The following TOR1AIP1 variants were observed in gnomAD, a reference collection of about 807,000 sequenced individuals.
The protein encoded by TOR1AIP1 is torsin-1A-interacting protein 1.
A neutral mutation model predicts 63.3 loss-of-function variants in TOR1AIP1; 54 were observed. The ratio of observed to expected loss-of-function variants is 0.85; its 90% CI spans 0.69 to 1.07. The LOEUF (loss-of-function observed/expected upper bound fraction) is 1.07. TOR1AIP1 is among the 50% of genes least tolerant of loss of function. The pLI, the probability that TOR1AIP1 is intolerant of heterozygous loss-of-function variation, is 0.00. For missense variants in TOR1AIP1, 736 were observed against 715.0 expected, an observed-to-expected ratio of 1.03 and a Z score of -0.33; for synonymous variants, 294 against 273.5, an observed-to-expected ratio of 1.07 and a Z score of -0.74.
At chr1:179,883,035 C>A in intron 1 of TOR1AIP1, 58 bp downstream of exon 1, 1 of 1,509,972 alleles carries the variant, frequency 6.6e-7, no homozygotes, top group Non-Finnish European at 9.0e-7. Context: ...CGGGGGCGGG[C>A]GCGCGCCTCG....
At chr1:179,916,394 G>T (rs1248520645) in intron 9 of TOR1AIP1, among the ~76,000 whole-genome samples, 5 of 152,128 alleles carry the variant, frequency 3.3e-5, no homozygotes, top group African/African-American at 1.2e-4. Flanking sequence ...GAGAATTGCT[G>T]CTCTAAAAGG....
At chr1:179,892,879 CA>C (rs1288200483) in intron 3 of TOR1AIP1, among the ~76,000 whole-genome samples, 2 of 151,614 alleles carry the variant, frequency 1.3e-5, no homozygotes, top group Non-Finnish European at 2.9e-5. Flanking sequence ...TATTTAAATT[CA>C]TTTTTTTGTG....
intron 3 of TOR1AIP1, among the ~76,000 whole-genome samples, chr1:179,890,478 T>C (rs549379095): frequency 9.2e-4 from 140 of 152,354 alleles, no homozygotes; most frequent in African/African-American, 3.3e-3. Context: ...AATGAACCTG[T>C]GGTAAAGAAC....
intron 7 of TOR1AIP1, among the ~76,000 whole-genome samples, chr1:179,908,282 C>T (rs952727308): frequency 6.6e-6 from 1 of 152,134 alleles, no homozygotes; most frequent in African/African-American, 2.4e-5. Flanking sequence ...TTTTACCCCT[C>T]TTTACCTTTT....
chr1:179,908,527 T>C, intron 7 of TOR1AIP1, 78 bp from the exon 8 acceptor site: 2 of 1,175,010 alleles, frequency 1.7e-6, no homozygotes, highest in Non-Finnish European at 2.5e-6. Context: ...TTCTGATAGA[T>C]TAATTTTATA....
chr1:179,896,383 A>G (rs1195161318), intron 3 of TOR1AIP1, among the ~76,000 whole-genome samples: 1 of 152,024 alleles, frequency 6.6e-6, no homozygotes, highest in East Asian at 1.9e-4. Context: ...TGCTGGGATT[A>G]CAAGGCATGA....
At chr1:179,884,467 A>G (rs954203482) in intron 1 of TOR1AIP1, among the ~76,000 whole-genome samples, 1 of 152,142 alleles carries the variant, frequency 6.6e-6, no homozygotes, top group African/African-American at 2.4e-5. Context: ...TTTGTAAAAC[A>G]ACAATGGCAA....
chr1:179,883,308 G>A (rs944523361), intron 1 of TOR1AIP1, among the ~76,000 whole-genome samples: 1 of 152,164 alleles, frequency 6.6e-6, no homozygotes, highest in Admixed American at 6.5e-5. Context: ...ATTACTGCAG[G>A]GTCGGTTTCA....
chr1:179,893,342 G>A (rs1013013640), intron 3 of TOR1AIP1, among the ~76,000 whole-genome samples: 1 of 152,016 alleles, frequency 6.6e-6, no homozygotes, highest in African/African-American at 2.4e-5. Context: ...ATGGCCATTC[G>A]TGGAGCTTGA....
intron 3 of TOR1AIP1, among the ~76,000 whole-genome samples, chr1:179,891,785 C>T (rs751644192): frequency 6.6e-6 from 1 of 151,858 alleles, no homozygotes; most frequent in African/African-American, 2.4e-5. Context: ...AGGCTGGTCT[C>T]GAACTCCTGA....
intron 6 of TOR1AIP1, among the ~76,000 whole-genome samples, chr1:179,905,784 C>G (rs1047311669): frequency 6.6e-6 from 1 of 152,122 alleles, no homozygotes. Flanking sequence ...GAAACCCCGT[C>G]TCTGCTAAAA....
chr1:179,887,129 G>T (rs1192551583), intron 2 of TOR1AIP1, among the ~76,000 whole-genome samples: 1 of 152,186 alleles, frequency 6.6e-6, no homozygotes, highest in Non-Finnish European at 1.5e-5. Flanking sequence ...GCCCGGCATG[G>T]TGGCTCACGC....
At chr1:179,887,780 AG>A (rs1424720610) in intron 2 of TOR1AIP1, 1 of 152,206 alleles carries the variant, frequency 6.6e-6, no homozygotes, top group African/African-American at 2.4e-5. Context: ...ACAATCAGAT[AG>A]TTGTTCTTAA....
chr1:179,891,242 G>A (rs1183503738), intron 3 of TOR1AIP1, among the ~76,000 whole-genome samples: 1 of 151,954 alleles, frequency 6.6e-6, no homozygotes, highest in Non-Finnish European at 1.5e-5. Flanking sequence ...GTTTTTCTGA[G>A]ACAGAGCCTT....
chr1:179,882,510 G>A lies in TOR1AIP1; in HGVS notation c.8G>A (p.Gly3Asp). MA[G>D]DGRRAEAVRE... ...AAAGCTACGTCAACAACTATGGCGG[G>A]CGACGGGCGGCGGGCAGAGGCGGTG... Residue 3 changes from glycine (G) to aspartate (D), a missense_variant, in exon 1 of 10, where the codon GGC (glycine) becomes GAC (aspartate). Transcript: ENST00000606911. 2.1e-6 allele frequency: 3 copies of A among 1,455,106 alleles called. No homozygotes were observed. Among genetic ancestry groups the A allele is most frequent in the East Asian group, 2.5e-5 (1 of 39,582 alleles). 90.1% of individuals were successfully genotyped at this position (1,455,106 alleles called of 1,614,324 possible).
intron 1 of TOR1AIP1, chr1:179,883,926 A>T: frequency 3.4e-6 from 1 of 290,432 alleles, no homozygotes; most frequent in Non-Finnish European, 7.0e-6. Flanking sequence ...CCTGAGTCAC[A>T]ATGGGATGAC....
intron 1 of TOR1AIP1, chr1:179,883,486 G>A: frequency 2.6e-6 from 1 of 378,968 alleles, no homozygotes; most frequent in East Asian, 7.4e-5. Flanking sequence ...GGCATTTCGA[G>A]GGATTGCTGA....
rs1237666805 is a variant in TOR1AIP1 at position 179,882,682 on chromosome 1, G to T, written c.180G>T (p.Ser60=). The change falls in exon 1 of 10, where the codon TCG becomes TCT. Residue 60 remains serine (S), a synonymous_variant. Coordinates refer to ENST00000606911, the MANE Select transcript of TOR1AIP1 (RefSeq NM_015602.4). The stretch of plus-strand genomic sequence containing the variant: ...AGGGCCGGCGGGAAGTGAGGTTCTC[G>T]GACGAGCCGCCAGAAGTGTACGGCG... ...SRQGRREVRF[S]DEPPEVYGDF... 1.2e-6 allele frequency: 2 copies of T among 1,603,616 alleles called. No individual in the cohort carries two copies.
intron 3 of TOR1AIP1, among the ~76,000 whole-genome samples, chr1:179,893,457 T>C (rs891288084): frequency 6.6e-6 from 1 of 152,120 alleles, no homozygotes; most frequent in African/African-American, 2.4e-5. Flanking sequence ...TTTTTCTTTT[T>C]TGAGACAGAG....
Sources: allele counts gnomAD v4.1 joint callset (sites outside exome capture counted in the v4.1 genomes callset), GRCh38; gene constraint gnomAD v4.1.1; transcripts MANE v1.5; gene names NCBI Gene and HGNC (gene_info 2026-07-23, HGNC 2026-07-21).